The following RORA variants were observed in gnomAD, a reference collection of about 807,000 sequenced individuals.
RORA encodes nuclear receptor ROR-alpha.
Under a neutral mutation model 69.5 loss-of-function variants are expected in RORA, and 7 were observed. The ratio of observed to expected loss-of-function variants is 0.10; its 90% confidence interval spans 0.06 to 0.19. The LOEUF is 0.19. RORA is among the 10% of genes least tolerant of loss of function. RORA has a pLI of 1.00. For missense variants in RORA, 457 were observed against 663.0 expected (o/e 0.69, Z 3.41); for synonymous variants, 261 against 240.8 (o/e 1.08, Z -0.78).
At position 60,625,200 on chromosome 15, in the gene RORA, G is replaced by A. The variant is rs553514858; in HGVS notation, c.196+53457C>T. On this transcript the variant is annotated intron_variant, in intron 2 of 10. Coordinates refer to ENST00000335670, the MANE Select transcript of RORA (RefSeq NM_134261.3). Reference sequence around the variant, plus strand: ...ACAGACATACAGAAAGACACAGACCGGGCTTCAGAAAAACAACAACAACAA... The same window carrying A: ...ACAGACATACAGAAAGACACAGACCAGGCTTCAGAAAAACAACAACAACAA... Among the ~76,000 whole-genome samples, 17 of 152,076 alleles carry A rather than the reference G, an allele frequency of 1.1e-4. No individual in the cohort carries two copies. The East Asian group carries it at 1.2e-3, about 10-fold the overall frequency.
At chr15:61,162,960 C>A (rs1267107730) in intron 1 of RORA, among the ~76,000 whole-genome samples, 1 of 152,250 alleles carries the variant, frequency 6.6e-6, no homozygotes, top group East Asian at 1.9e-4. Flanking sequence ...CGTCACTCAC[C>A]GCACTCAGCA....
intron 1 of RORA, among the ~76,000 whole-genome samples, chr15:61,190,777 T>C (rs778071880): frequency 6.6e-6 from 1 of 152,014 alleles, no homozygotes; most frequent in Non-Finnish European, 1.5e-5. Flanking sequence ...AAAAAAGAAT[T>C]CAAAGGAGAA....
Position 60,763,718 on chromosome 15 carries a change from T to C in RORA, c.167-85032A>G, listed in dbSNP as rs1300190590. ...CAAAGATGTTTGCCATAGACTACGC[T>C]GACTGGCCCATTCAGGAGCCCCTCG... On this transcript the variant is annotated intron_variant, in intron 1 of 10. Coordinates refer to ENST00000335670, the MANE Select transcript of RORA (RefSeq NM_134261.3). 3.9e-5 allele frequency among the ~76,000 whole-genome samples: 6 copies of C among 152,184 alleles called. 1 individual carries two copies. Among genetic ancestry groups the C allele is most frequent in the African/African-American group, 1.4e-4 (6 of 41,458 alleles).
chr15:60,605,478 A>C (rs2068923697), intron 2 of RORA, among the ~76,000 whole-genome samples: 1 of 152,360 alleles, frequency 6.6e-6, no homozygotes, highest in South Asian at 2.1e-4. Context: ...TAAGGCTAAC[A>C]ACATAATCTA....
chr15:60,524,844 A>G (rs2066295313), intron 3 of RORA, among the ~76,000 whole-genome samples: 1 of 152,238 alleles, frequency 6.6e-6, no homozygotes, highest in African/African-American at 2.4e-5. Context: ...AACAACCTAC[A>G]ATTGGCAAAG....
intron 1 of RORA, among the ~76,000 whole-genome samples, chr15:60,777,988 T>A (rs1025685336): frequency 1.3e-4 from 20 of 152,344 alleles, no homozygotes; most frequent in African/African-American, 4.3e-4. Flanking sequence ...ATTGACGTGC[T>A]GTTTAATCCA....
At chr15:60,971,420 T>C (rs919644224) in intron 1 of RORA, among the ~76,000 whole-genome samples, 1 of 152,180 alleles carries the variant, frequency 6.6e-6, no homozygotes, top group Non-Finnish European at 1.5e-5. Context: ...CAGGCCCGCA[T>C]GTCCCTAACT....
chr15:60,981,335 T>C (rs1294496523), intron 1 of RORA, among the ~76,000 whole-genome samples: 1 of 152,138 alleles, frequency 6.6e-6, no homozygotes, highest in Non-Finnish European at 1.5e-5. Context: ...TTTTTGTATG[T>C]ATAGATTGAT....
At chr15:61,133,321 T>G (rs935557078) in intron 1 of RORA, among the ~76,000 whole-genome samples, 1 of 152,200 alleles carries the variant, frequency 6.6e-6, no homozygotes, top group African/African-American at 2.4e-5. Context: ...CATGGAATAG[T>G]CACAATGTGC....
At chr15:60,862,764 C>T (rs80313120) in intron 1 of RORA, among the ~76,000 whole-genome samples, 1,564 of 152,292 alleles carry the variant, frequency 0.01, 31 homozygotes, top group African/African-American at 0.035. Flanking sequence ...ACTGTACAAG[C>T]TTTGACTAGA....
At chr15:60,949,322 A>C (rs566066817) in intron 1 of RORA, among the ~76,000 whole-genome samples, 2 of 152,232 alleles carry the variant, frequency 1.3e-5, no homozygotes, top group South Asian at 4.1e-4. Flanking sequence ...TGGCTTCTCA[A>C]ATCAGGCTGT....
chr15:60,965,451 G>A (rs1246062944), intron 1 of RORA, among the ~76,000 whole-genome samples: 5 of 152,162 alleles, frequency 3.3e-5, no homozygotes, highest in Non-Finnish European at 7.4e-5. Flanking sequence ...TCTGTACACT[G>A]GGCTTAAAAC....
At chr15:60,780,739 C>T (rs1230859961) in intron 1 of RORA, among the ~76,000 whole-genome samples, 1 of 152,114 alleles carries the variant, frequency 6.6e-6, no homozygotes, top group Non-Finnish European at 1.5e-5. Context: ...GCCATGTAGT[C>T]GTAAAATTTA....
chr15:60,741,955 C>A (rs570429617), intron 1 of RORA, among the ~76,000 whole-genome samples: 1 of 152,112 alleles, frequency 6.6e-6, no homozygotes, highest in Non-Finnish European at 1.5e-5. Flanking sequence ...ACAGCGCCTG[C>A]GAGTTCCTTC....
intron 2 of RORA, chr15:60,627,106 G>T: frequency 1.2e-6 from 1 of 801,566 alleles, no homozygotes; most frequent in Non-Finnish European, 2.0e-6. Flanking sequence ...AGTCCTCATG[G>T]GCTTCATCTT....
intron 1 of RORA, among the ~76,000 whole-genome samples, chr15:60,916,990 CTGGTGATGGGAGGGGG>C (rs999005879): frequency 4.6e-5 from 7 of 152,222 alleles, no homozygotes; most frequent in Non-Finnish European, 8.8e-5. Context: ...CCCCATCGCA[CTGGTGATGGGAGGGGG>C]TGGTGCTTTC....
chr15:60,944,649 A>C (rs4775332), intron 1 of RORA, among the ~76,000 whole-genome samples: 145,029 of 148,958 alleles, frequency 0.97, 70,735 homozygotes, highest in Middle Eastern at 1. Flanking sequence ...TGCTTGAGCA[A>C]AAGGGGCAGA....
chr15:61,205,450 G>A (rs2079932391), intron 1 of RORA, among the ~76,000 whole-genome samples: 1 of 152,168 alleles, frequency 6.6e-6, no homozygotes. Context: ...ATTGGTTAAA[G>A]TTACTTGTCA....
chr15:61,064,365 C>T (rs116030974), intron 1 of RORA, among the ~76,000 whole-genome samples: 2,092 of 152,272 alleles, frequency 0.014, 50 homozygotes, highest in African/African-American at 0.049. Flanking sequence ...TTTTGCAATG[C>T]CTTGCAATAC....
Sources: gnomAD v4.1 joint callset for allele counts (sites outside exome capture counted in the v4.1 genomes callset) on GRCh38, gnomAD v4.1.1 for gene constraint, MANE v1.5 for transcripts, NCBI Gene and HGNC (gene_info 2026-07-23, HGNC 2026-07-21) for gene names.